The following HSD17B11 variants were observed in gnomAD, a reference collection of about 807,000 sequenced individuals.
HSD17B11 encodes the protein estradiol 17-beta-dehydrogenase 11.
In HSD17B11, 22 loss-of-function variants were observed where a neutral mutation model predicts 27.8. The ratio of observed to expected loss-of-function variants is 0.79; its 90% CI spans 0.56 to 1.13. The LOEUF (loss-of-function observed/expected upper bound fraction) is 1.13. Ranked by LOEUF, HSD17B11 falls within the 50% of genes most tolerant of loss-of-function variation. The pLI is 0.00. For missense variants in HSD17B11, 314 were observed against 351.1 expected (o/e 0.89, Z 0.84); for synonymous variants, 117 against 132.8 (o/e 0.88, Z 0.82).
At chr4:87,362,734 G>A (rs1020745868) in intron 4 of HSD17B11, among the ~76,000 whole-genome samples, 88 of 152,190 alleles carry the variant, frequency 5.8e-4, no homozygotes, top group African/African-American at 2.0e-3. Context: ...GACATGGGGA[G>A]CTTTTTCCTG....
chr4:87,381,046 A>G (rs994198768), intron 2 of HSD17B11, among the ~76,000 whole-genome samples: 4 of 146,252 alleles, frequency 2.7e-5, no homozygotes, highest in Admixed American at 2.1e-4. Flanking sequence ...TTAGCCCGGC[A>G]TGATGGTGCG....
intron 4 of HSD17B11, among the ~76,000 whole-genome samples, chr4:87,357,965 T>A (rs1735420981): frequency 8.7e-6 from 1 of 115,466 alleles, no homozygotes; most frequent in Non-Finnish European, 1.7e-5. Flanking sequence ...TTTTTTTTTT[T>A]TTTTTTTTTT....
Position 87,374,571 on chromosome 4 carries a change from T to A in HSD17B11, c.450+128A>T. Reference sequence around the variant, plus strand: ...TAGCATGAAAAATGATCTCTTTGTATAATGTTATCCCTGGTGCCTGGAGAA... The same window carrying A: ...TAGCATGAAAAATGATCTCTTTGTAAAATGTTATCCCTGGTGCCTGGAGAA... On this transcript the variant is annotated intron_variant, in intron 3 of 6. Coordinates refer to ENST00000358290, the MANE Select transcript of HSD17B11 (RefSeq NM_016245.5). 1.5e-5 allele frequency: 12 copies of A among 787,760 alleles called. No individual in the cohort carries two copies. In the South Asian group the frequency reaches 2.2e-4, roughly 14 times the overall value. The allele number at this position is 787,760 out of a possible 1,614,324, so 48.8% of individuals were successfully genotyped here.
At chr4:87,382,163 G>A (rs1054337786) in intron 2 of HSD17B11, 92 bp downstream of exon 2, 26 of 883,992 alleles carry the variant, frequency 2.9e-5, no homozygotes, top group Admixed American at 9.8e-5. Flanking sequence ...CATTTCTCAG[G>A]TACTTCATCT....
rs1264060690 is a variant in HSD17B11, at chr4:87,378,899, TATATAA to T, written c.318+3350_318+3355del. Among the ~76,000 whole-genome samples, 9 of 17,136 alleles carry T rather than the reference TATATAA, an allele frequency of 5.3e-4. 2 individuals are homozygous for T. The East Asian group carries it at 0.014, about 27-fold the overall frequency. 11.2% of individuals were successfully genotyped at this position (17,136 alleles called of 152,430 possible). On this transcript the variant is annotated intron_variant, in intron 2 of 6. Coordinates refer to ENST00000358290, the MANE Select transcript of HSD17B11 (RefSeq NM_016245.5). ...ATATATAAATATATATATATAAATA[TATATAA>T]ATATATATATATAAATATATATAAA... is the stretch of plus-strand genomic sequence containing the variant.
At chr4:87,354,293 C>T (rs546706943) in intron 5 of HSD17B11, among the ~76,000 whole-genome samples, 32 of 151,926 alleles carry the variant, frequency 2.1e-4, no homozygotes, top group African/African-American at 7.0e-4. Context: ...GATGAAACTC[C>T]GTCTCCACTA....
intron 4 of HSD17B11, among the ~76,000 whole-genome samples, chr4:87,358,414 G>C (rs1392039374): frequency 6.6e-6 from 1 of 152,046 alleles, no homozygotes; most frequent in East Asian, 1.9e-4. Context: ...AATGCAAAGC[G>C]TTTATTTTAA....
chr4:87,378,817 A>ATATAT (rs1282396558), intron 2 of HSD17B11, among the ~76,000 whole-genome samples: 2 of 73,500 alleles, frequency 2.7e-5, no homozygotes, highest in African/African-American at 5.3e-5. Context: ...ATATAAATAT[A>ATATAT]AAATATATAT....
intron 1 of HSD17B11, among the ~76,000 whole-genome samples, chr4:87,389,648 TTCA>T (rs1477750884): frequency 6.6e-6 from 1 of 152,238 alleles, no homozygotes; most frequent in Non-Finnish European, 1.5e-5. Flanking sequence ...GATTGCTGTC[TTCA>T]TCAGCCACTC....
At chr4:87,343,164 CCT>C (rs1397918793) in intron 5 of HSD17B11, among the ~76,000 whole-genome samples, 1 of 152,194 alleles carries the variant, frequency 6.6e-6, no homozygotes, top group Admixed American at 6.5e-5. Context: ...GTTTTTAGCC[CCT>C]GTCAGATAAC....
At chr4:87,390,716 A>G (rs534686000) in intron 1 of HSD17B11, 145 bp downstream of exon 1, 283 of 656,070 alleles carry the variant, frequency 4.3e-4, no homozygotes, top group Middle Eastern at 8.4e-4. Context: ...ATATTAATTC[A>G]TGCCCTCCCA....
chr4:87,390,104 T>C (rs994495892), intron 1 of HSD17B11, among the ~76,000 whole-genome samples: 2 of 152,116 alleles, frequency 1.3e-5, no homozygotes, highest in Non-Finnish European at 2.9e-5. Flanking sequence ...CTTTTTAAAA[T>C]TACTCTTGGC....
At chr4:87,387,819 CA>C (rs2110135639) in intron 1 of HSD17B11, among the ~76,000 whole-genome samples, 1 of 152,256 alleles carries the variant, frequency 6.6e-6, no homozygotes, top group East Asian at 1.9e-4. Context: ...AAACTCACTA[CA>C]TTGTCCTCAA....
chr4:87,375,507 C>T (rs1405285690), intron 2 of HSD17B11, among the ~76,000 whole-genome samples: 3 of 152,010 alleles, frequency 2.0e-5, no homozygotes, highest in African/African-American at 4.8e-5. Flanking sequence ...TTTGGGAGGC[C>T]GAGGCAGGTG....
intron 5 of HSD17B11, among the ~76,000 whole-genome samples, chr4:87,344,272 A>G (rs1735226912): frequency 6.6e-6 from 1 of 152,230 alleles, no homozygotes; most frequent in African/African-American, 2.4e-5. Context: ...TGTGTTATAT[A>G]TATTACAGAT....
chr4:87,369,514 G>C (rs114144211), intron 4 of HSD17B11, among the ~76,000 whole-genome samples: 4,404 of 150,946 alleles, frequency 0.029, 213 homozygotes, highest in African/African-American at 0.1. Context: ...GCTCACTGCT[G>C]CCTTCAATTC....
At chr4:87,361,815 TTC>T (rs1219703247) in intron 4 of HSD17B11, among the ~76,000 whole-genome samples, 2 of 152,110 alleles carry the variant, frequency 1.3e-5, no homozygotes, top group East Asian at 3.9e-4. Flanking sequence ...TCACCCTGAA[TTC>T]TTTCTTTCAT....
Position 87,378,944 on chromosome 4 carries a change from ATATTTATATATATATATTTT to A in HSD17B11, c.318+3291_318+3310del, listed in dbSNP as rs1720046123. Among the ~76,000 whole-genome samples, 7 of 19,382 alleles carry A rather than the reference ATATTTATATATATATATTTT, an allele frequency of 3.6e-4. 2 individuals carry two copies. Among genetic ancestry groups the A allele is most frequent in the Admixed American group, 9.9e-4 (1 of 1,006 alleles). 12.7% of individuals were successfully genotyped at this position (19,382 alleles called of 152,430 possible). A position where few individuals can be genotyped will look rare whatever the true frequency, so the allele number is the denominator to read the frequency against. On this transcript the variant is annotated intron_variant, in intron 2 of 6. Coordinates refer to ENST00000358290, the MANE Select transcript of HSD17B11 (RefSeq NM_016245.5). ...AATATATATAAATATATATATATATATATTTATATATATATATTTTTTTTTTTTTTTGAGATGGTGTCTTG... is the reference window on the plus strand; with the variant it reads ...AATATATATAAATATATATATATATATTTTTTTTTTTGAGATGGTGTCTTG...
intron 4 of HSD17B11, among the ~76,000 whole-genome samples, chr4:87,368,637 G>A (rs543232372): frequency 2.3e-4 from 35 of 152,278 alleles, no homozygotes; most frequent in Non-Finnish European, 4.6e-4. Context: ...GACTGTTAAC[G>A]CATTCTAAGT....
Sources: allele counts gnomAD v4.1 joint callset (sites outside exome capture counted in the v4.1 genomes callset), GRCh38; gene constraint gnomAD v4.1.1; transcripts MANE v1.5; gene names NCBI Gene and HGNC (gene_info 2026-07-23, HGNC 2026-07-21).